The following FCMR variants were observed in gnomAD, a reference collection of about 807,000 sequenced individuals.
The protein encoded by FCMR is immunoglobulin mu Fc receptor.
A neutral mutation model predicts 41.6 loss-of-function variants in FCMR; 34 were observed. The ratio of observed to expected loss-of-function variants is 0.82; its 90% confidence interval spans 0.62 to 1.09. The LOEUF is 1.09. FCMR is among the 50% of genes least tolerant of loss of function. The pLI, the probability that FCMR is intolerant of heterozygous loss-of-function variation, is 0.00. For missense variants in FCMR, 496 were observed against 512.5 expected, an observed-to-expected ratio of 0.97 and a Z score of 0.31; for synonymous variants, 209 against 211.8, an observed-to-expected ratio of 0.99 and a Z score of 0.12.
intron 1 of FCMR, chr1:206,921,437 C>T (rs1478062069): frequency 1.6e-5 from 7 of 425,312 alleles, no homozygotes; most frequent in Non-Finnish European, 3.3e-5. Context: ...TCCATCTCTA[C>T]AAAAAAATTA....
At chr1:206,916,034 G>A (rs968440378) in intron 1 of FCMR, among the ~76,000 whole-genome samples, 1 of 152,174 alleles carries the variant, frequency 6.6e-6, no homozygotes, top group African/African-American at 2.4e-5. Context: ...ACGTACAGGA[G>A]GACATTGAGA....
At position 206,909,551 on chromosome 1, in the gene FCMR, C is replaced by T. The variant is rs1370627111; in HGVS notation, c.986-31G>A. The stretch of plus-strand genomic sequence containing the variant: ...GAACAGCGAGGGCGAGGTGAGGCGG[C>T]GGCCGAGGCTCCCGCCCCACCGTCA... On this transcript the variant is annotated intron_variant, in intron 6 of 7. Coordinates refer to ENST00000367091, the MANE Select transcript of FCMR (RefSeq NM_005449.5). The surrounding 1 kb of genome is among the most constrained non-coding windows in gnomAD (Gnocchi z 5.0). 7.6e-7 allele frequency: 1 copy of T among 1,314,318 alleles called. No homozygotes were observed. The highest frequency in any genetic ancestry group is 9.7e-7 in the Non-Finnish European group (1 of 1,031,100). 81.4% of individuals were successfully genotyped at this position (1,314,318 alleles called of 1,614,324 possible). A position where few individuals can be genotyped will look rare whatever the true frequency, so the allele number is the denominator to read the frequency against.
Position 206,909,901 on chromosome 1 carries a change from A to G in FCMR, c.842-33T>C. The G allele has an allele frequency of 7.3e-7, 1 of 1,370,416 alleles. No individual in the cohort carries two copies. The allele number at this position is 1,370,416 out of a possible 1,614,324, so 84.9% of individuals were successfully genotyped here. ...ACAAAGCCACGGGAAGAGGGAGGAA[A>G]ATGGCATCAGAGGCCCGTGCCACCC... On this transcript the variant is annotated intron_variant, in intron 5 of 7. Transcript: ENST00000367091. The surrounding 1 kb of genome is among the most constrained non-coding windows in gnomAD (Gnocchi z 5.0).
In FCMR at chr1:206,914,046, A is replaced by G; in HGVS notation, c.86T>C (p.Leu29Pro). 1 of 1,614,178 alleles carries G rather than the reference A, an allele frequency of 6.2e-7. No homozygotes were observed. The change falls in exon 2 of 8, where the codon CTG becomes CCG. Residue 29 changes from leucine to proline, a missense_variant. Leu to Pro is a moderately conservative substitution (Grantham distance 98). Transcript: ENST00000367091. ...GCACTTGATGGTAACTGATCCGCCC[A>G]GCTCCCCCTCTACCTTTACTTCTGG... Reference protein sequence around the residue: ...ILPEVKVEGELGGSVTIKCPL... With the variant: ...ILPEVKVEGEPGGSVTIKCPL...
intron 1 of FCMR, among the ~76,000 whole-genome samples, chr1:206,918,897 T>C (rs531324015): frequency 1.7e-4 from 26 of 152,246 alleles, no homozygotes; most frequent in African/African-American, 6.3e-4. Context: ...TTGCAGGACC[T>C]GGAGTAGGAG....
chr1:206,916,517 G>C (rs571084345), intron 1 of FCMR, among the ~76,000 whole-genome samples: 4 of 152,226 alleles, frequency 2.6e-5, no homozygotes, highest in Non-Finnish European at 5.9e-5. Flanking sequence ...TGGCTTGCCT[G>C]TTCGGCTGCT....
chr1:206,921,197 T>A (rs915810795), intron 1 of FCMR: 1 of 159,764 alleles, frequency 6.3e-6, no homozygotes, highest in African/African-American at 2.4e-5. Context: ...CTGAAAAAGA[T>A]CTATAGAAAG....
chr1:206,912,831 G>A (rs1036627711), intron 3 of FCMR, 98 bp downstream of exon 3: 79 of 849,312 alleles, frequency 9.3e-5, no homozygotes, highest in Middle Eastern at 2.9e-4. Context: ...GCTCAGCTCT[G>A]CCAGCCACTC....
chr1:206,913,878 T>C lies in FCMR; in HGVS notation c.254A>G (p.Asn85Ser), dbSNP rs1679054762. 6.2e-7 allele frequency: 1 copy of C among 1,614,130 alleles called. No homozygotes were observed. Among genetic ancestry groups the C allele is most frequent in the African/African-American group, 1.3e-5 (1 of 74,948 alleles). The change falls in exon 2 of 8, where the codon AAT becomes AGT. Residue 85 changes from asparagine to serine, a missense_variant. Coordinates refer to ENST00000367091, the MANE Select transcript of FCMR (RefSeq NM_005449.5). ...CTGTGTTACCTCCACTAGGAACAGA[T>C]TCTTGCGTGGGTATTGCTTCAGAGT... Reference protein sequence around the residue: ...RVTLKQYPRKNLFLVEVTQLT... With the variant: ...RVTLKQYPRKSLFLVEVTQLT...
intron 2 of FCMR, chr1:206,913,546 C>T (rs887343642): frequency 1.7e-6 from 1 of 592,840 alleles, no homozygotes; most frequent in African/African-American, 1.9e-5. Context: ...AAGAGAGCAC[C>T]TATCTTGTTC....
intron 1 of FCMR, among the ~76,000 whole-genome samples, chr1:206,919,179 A>G (rs1407714242): frequency 6.6e-6 from 1 of 152,114 alleles, no homozygotes; most frequent in African/African-American, 2.4e-5. Flanking sequence ...CTTCCCAAAT[A>G]GCCGCCCATG....
Position 206,904,758 on chromosome 1 carries a change from A to G in FCMR, c.*261T>C, listed in dbSNP as rs1253517801. 8.8e-6 allele frequency: 4 copies of G among 456,016 alleles called. No individual in the cohort carries two copies. Among genetic ancestry groups the G allele is most frequent in the African/African-American group, 2.0e-5 (1 of 50,652 alleles). The allele number at this position is 456,016 out of a possible 1,614,324, so 28.2% of individuals were successfully genotyped here. A position where few individuals can be genotyped will look rare whatever the true frequency, so the allele number is the denominator to read the frequency against. ...CCACAGTCTGTTCGACGGCTTGGAAAGGAAGCAAGTGGCATTGGGACAATT... is the reference window on the plus strand; with the variant it reads ...CCACAGTCTGTTCGACGGCTTGGAAGGGAAGCAAGTGGCATTGGGACAATT... On this transcript the variant is annotated 3_prime_UTR_variant, in exon 8 of 8. Coordinates refer to ENST00000367091, the MANE Select transcript of FCMR (RefSeq NM_005449.5).
chr1:206,921,911 A>ACGCTG lies in FCMR; in HGVS notation c.-62_-58dup. On this transcript the variant is annotated 5_prime_UTR_variant, in exon 1 of 8. Coordinates refer to ENST00000367091, the MANE Select transcript of FCMR (RefSeq NM_005449.5). ...AGCCCCTAGAGAGGGGGATGGAGAC[A>ACGCTG]CGCTGCTTACTCAGGAACCCTTCAC... The ACGCTG allele has an allele frequency of 6.7e-7, 1 of 1,487,690 alleles. No homozygotes were observed. Among genetic ancestry groups the ACGCTG allele is most frequent in the African/African-American group, 1.4e-5 (1 of 72,492 alleles). 92.2% of individuals were successfully genotyped at this position (1,487,690 alleles called of 1,614,324 possible).
chr1:206,920,703 T>C (rs1326673353), intron 1 of FCMR, among the ~76,000 whole-genome samples: 3 of 152,186 alleles, frequency 2.0e-5, no homozygotes, highest in Non-Finnish European at 4.4e-5. Flanking sequence ...ATCCTGTGAT[T>C]AGAAGTCAAG....
At chr1:206,912,636 A>AGG (rs1678992606) in intron 3 of FCMR, among the ~76,000 whole-genome samples, 1 of 152,228 alleles carries the variant, frequency 6.6e-6, no homozygotes, top group East Asian at 1.9e-4. Flanking sequence ...TCATTCATAA[A>AGG]AAGAGCTAGA....
At chr1:206,910,459 A>G (rs1572621856) in intron 4 of FCMR, 119 bp from the exon 5 acceptor site, 2 of 724,212 alleles carry the variant, frequency 2.8e-6, no homozygotes. Flanking sequence ...CCTTTTGTTA[A>G]CAGAATTCAC....
rs371358524 is a variant in FCMR at position 206,913,835 on chromosome 1, G to T, written c.297C>A (p.Ser99Arg). The change falls in exon 2 of 8, where the codon AGC becomes AGA. Residue 99 changes from serine (S) to arginine (R), a missense_variant. Coordinates refer to ENST00000367091, the MANE Select transcript of FCMR (RefSeq NM_005449.5). The stretch of plus-strand genomic sequence containing the variant: ...TGCCCGCTCCGCAGGCATAGACTCC[G>T]CTGTCACTTTCTGTCAGCTGTGTTA... ...VEVTQLTESD[S>R]GVYACGAGMN... 1.4e-5 allele frequency: 23 copies of T among 1,614,074 alleles called. No individual in the cohort carries two copies. Among genetic ancestry groups the T allele is most frequent in the Non-Finnish European group, 1.7e-6 (2 of 1,180,044 alleles).
At position 206,913,811 on chromosome 1, in the gene FCMR, G is replaced by A; in HGVS notation, c.321C>T (p.Gly107=). 1.2e-6 allele frequency: 2 copies of A among 1,614,236 alleles called. No homozygotes were observed. Among genetic ancestry groups the A allele is most frequent in the Non-Finnish European group, 1.7e-6 (2 of 1,180,048 alleles). The change falls in exon 2 of 8, where the codon GGC becomes GGT. Residue 107 remains glycine (G), a synonymous_variant. Coordinates refer to ENST00000367091, the MANE Select transcript of FCMR (RefSeq NM_005449.5). The part of the protein sequence containing the change: ...SDSGVYACGA[G]MNTDRGKTQK... ...GGGTCTTTCCCCGGTCTGTGTTCAT[G>A]CCCGCTCCGCAGGCATAGACTCCGC...
intron 4 of FCMR, 133 bp from the exon 5 acceptor site, chr1:206,910,473 A>C: frequency 1.7e-6 from 1 of 597,354 alleles, no homozygotes; most frequent in Non-Finnish European, 2.6e-6. Flanking sequence ...AATTCACTCC[A>C]CTCCCCCCTC....
Sources: allele counts gnomAD v4.1 joint callset (sites outside exome capture counted in the v4.1 genomes callset), GRCh38; gene constraint gnomAD v4.1.1; non-coding constraint Gnocchi (gnomAD v3.1); transcripts MANE v1.5; gene names NCBI Gene and HGNC (gene_info 2026-07-23, HGNC 2026-07-21).